Variants in PIEZO1 observed in about 807,000 individuals in gnomAD.
The protein encoded by PIEZO1 is piezo-type mechanosensitive ion channel component 1.
In PIEZO1, 296 loss-of-function variants were observed where a neutral mutation model predicts 297.2. The observed-to-expected ratio is 1.00, with a 90% CI of 0.91 to 1.10. The LOEUF is 1.10. Ranked by LOEUF, PIEZO1 falls within the 50% of genes least tolerant of loss-of-function variation. The pLI, the probability that PIEZO1 is intolerant of heterozygous loss-of-function variation, is 0.00. For synonymous variants in PIEZO1, 2,427 were observed against 1,507.5 expected, an observed-to-expected ratio of 1.61 and a Z score of -14.13; for missense variants, 5,018 against 3,455.5, an observed-to-expected ratio of 1.45 and a Z score of -11.34.
chr16:88,742,383 C>T lies in PIEZO1; in HGVS notation c.200G>A (p.Ser67Asn). Reference protein sequence around the residue: ...GRLLRALLGLSLLFLVAHLAL... With the variant: ...GRLLRALLGLNLLFLVAHLAL... The stretch of plus-strand genomic sequence containing the variant: ...GAGATGGGCCACCAGGAAGAGCAGG[C>T]TGAGGCCCAGCAATGCCCGCAGGAG... The change falls in exon 3 of 51, where the codon AGC becomes AAC. Residue 67 changes from serine to asparagine, a missense_variant. Coordinates refer to ENST00000301015, the MANE Select transcript of PIEZO1 (RefSeq NM_001142864.4). 6.5e-7 allele frequency: 1 copy of T among 1,535,450 alleles called. No homozygotes were observed. Among genetic ancestry groups the T allele is most frequent in the Middle Eastern group, 1.7e-4 (1 of 5,812 alleles).
intron 1 of PIEZO1, among the ~76,000 whole-genome samples, chr16:88,755,231 C>T (rs973213055): frequency 6.6e-6 from 1 of 152,222 alleles, no homozygotes; most frequent in African/African-American, 2.4e-5. Context: ...CCATGTGGCT[C>T]GGGCCTAGCT....
At position 88,726,961 on chromosome 16, in the gene PIEZO1, G is replaced by A; in HGVS notation, c.3456-3C>T. ...CCTTCAGCATGTCAAGGTAGGACCTGCCAGGCCGGAGCGTCAGGGCGGGCG... is the reference window on the plus strand; with the variant it reads ...CCTTCAGCATGTCAAGGTAGGACCTACCAGGCCGGAGCGTCAGGGCGGGCG... On this transcript the variant is annotated splice_polypyrimidine_tract_variant and splice_region_variant and intron_variant, in intron 24 of 50. Transcript: ENST00000301015. The A allele has an allele frequency of 6.5e-7, 1 of 1,550,336 alleles. No homozygotes were observed. Among genetic ancestry groups the A allele is most frequent in the Non-Finnish European group, 8.7e-7 (1 of 1,146,840 alleles).
chr16:88,766,023 G>C (rs1907161330), intron 1 of PIEZO1, among the ~76,000 whole-genome samples: 1 of 152,202 alleles, frequency 6.6e-6, no homozygotes, highest in Non-Finnish European at 1.5e-5. Context: ...TGCGACCAGA[G>C]ACATCACATG....
At chr16:88,765,604 G>T (rs575219150) in intron 1 of PIEZO1, among the ~76,000 whole-genome samples, 34 of 152,294 alleles carry the variant, frequency 2.2e-4, no homozygotes, top group Admixed American at 9.2e-4. Flanking sequence ...GCTGGCAAGG[G>T]GCTGGACAGC....
chr16:88,720,036 C>G (rs939439202), intron 42 of PIEZO1, 33 bp downstream of exon 42: 6 of 1,549,536 alleles, frequency 3.9e-6, no homozygotes, highest in Non-Finnish European at 3.5e-6. Context: ...TGCCCCGCCC[C>G]TGGAGACCGA....
intron 30 of PIEZO1, among the ~76,000 whole-genome samples, 160 bp from the exon 31 acceptor site, chr16:88,724,131 C>CA (rs1904307591): frequency 6.6e-6 from 1 of 152,194 alleles, no homozygotes; most frequent in South Asian, 2.1e-4. Context: ...TGGGACAAGA[C>CA]AGAGGTGGGC....
chr16:88,781,045 T>C (rs921727133), intron 1 of PIEZO1, among the ~76,000 whole-genome samples: 1 of 152,268 alleles, frequency 6.6e-6, no homozygotes, highest in African/African-American at 2.4e-5. Flanking sequence ...AGGGGATTTC[T>C]GAGGCCAGAG....
At chr16:88,749,077 A>G (rs1311188134) in intron 2 of PIEZO1, among the ~76,000 whole-genome samples, 5 of 151,810 alleles carry the variant, frequency 3.3e-5, no homozygotes, top group Non-Finnish European at 7.4e-5. Flanking sequence ...CTCTACTAAA[A>G]ATACAAAAAA....
At chr16:88,755,375 GA>G (rs1163056929) in intron 1 of PIEZO1, among the ~76,000 whole-genome samples, 2 of 152,004 alleles carry the variant, frequency 1.3e-5, no homozygotes, top group Admixed American at 1.3e-4. Context: ...TCACGTGCAG[GA>G]AAGAAAAAAA....
In PIEZO1 at chr16:88,715,808, C is replaced by G. The variant is rs532748737; in HGVS notation, c.7363G>C (p.Val2455Leu). The change falls in exon 51 of 51, where the codon GTG becomes CTG. Residue 2455 changes from valine to leucine, a missense_variant. Coordinates refer to ENST00000301015, the MANE Select transcript of PIEZO1 (RefSeq NM_001142864.4). ...VSIVLVIGKF[V>L]RGFFSEISHS... ...GAGATCTCGCTGAAGAATCCGCGCACGAACTTGCCGATGACCAGCACGATG... is the reference window on the plus strand; with the variant it reads ...GAGATCTCGCTGAAGAATCCGCGCAGGAACTTGCCGATGACCAGCACGATG... The G allele has an allele frequency of 1.9e-6, 3 of 1,550,282 alleles. No individual in the cohort carries two copies. Among genetic ancestry groups the G allele is most frequent in the Admixed American group, 2.0e-5 (1 of 51,002 alleles).
chr16:88,738,041 TGAG>T lies in PIEZO1; in HGVS notation c.910_912del (p.Leu304del), dbSNP rs753619127. On this transcript the variant is annotated inframe_deletion, in exon 8 of 51. Transcript: ENST00000301015. ...TACACAGGCCAGTCCAGGCCGGTGT[TGAG>T]GACCAGCGCGTGGGGGCTGGAGCAG... is the stretch of plus-strand genomic sequence containing the variant. 9.0e-5 allele frequency: 138 copies of T among 1,535,674 alleles called. No individual in the cohort carries two copies. The highest frequency in any genetic ancestry group is 1.6e-4 in the Admixed American group (8 of 50,982).
rs1325947507 is a variant in PIEZO1 at position 88,722,225 on chromosome 16, G to A, written c.4948C>T (p.Leu1650=). 1.0e-5 allele frequency: 16 copies of A among 1,546,478 alleles called. No individual in the cohort carries two copies. The highest frequency in any genetic ancestry group is 1.2e-5 in the Non-Finnish European group (14 of 1,146,730). ...TGCGCGTCCCGCCCCCACCTGTCCA[G>A]GAGCAGCTCGCTGGCCGTCCGCATC... ...GLMRTASELL[L]DRRLRIPELE... Residue 1650 remains leucine (L), a synonymous_variant, in exon 36 of 51, where the codon CTG becomes TTG. Transcript: ENST00000301015.
intron 1 of PIEZO1, among the ~76,000 whole-genome samples, chr16:88,755,300 CG>C: frequency 6.6e-6 from 1 of 152,150 alleles, no homozygotes; most frequent in East Asian, 1.9e-4. Flanking sequence ...CCCCGGGTCT[CG>C]GAATGCCTCC....
At position 88,722,837 on chromosome 16, in the gene PIEZO1, C is replaced by G. The variant is rs764248209; in HGVS notation, c.4668G>C (p.Gln1556His). ...ERYLLTQELLQGGEVHRGVLD... is the reference protein window; with the variant it reads ...ERYLLTQELLHGGEVHRGVLD... ...GAGCGTGGTGCACGGGCAGGCTCACCTGCAGGAGCTCCTGTGTGAGGAGGT... is the reference window on the plus strand; with the variant it reads ...GAGCGTGGTGCACGGGCAGGCTCACGTGCAGGAGCTCCTGTGTGAGGAGGT... Residue 1556 changes from glutamine to histidine, a missense_variant and splice_region_variant, in exon 34 of 51, where the codon CAG becomes CAC. Gln to His is a conservative substitution (Grantham distance 24). Transcript: ENST00000301015. The G allele has an allele frequency of 6.5e-7, 1 of 1,545,230 alleles. No individual in the cohort carries two copies. Among genetic ancestry groups the G allele is most frequent in the Non-Finnish European group, 8.7e-7 (1 of 1,146,528 alleles).
intron 10 of PIEZO1, chr16:88,737,037 G>C: frequency 3.1e-6 from 1 of 323,502 alleles, no homozygotes; most frequent in Non-Finnish European, 5.7e-6. Flanking sequence ...CCCCACCCCA[G>C]GGCCGTGGCT....
At position 88,748,988 on chromosome 16, in the gene PIEZO1, A is replaced by G. The variant is rs187741376; in HGVS notation, c.160+396T>C. 4.2e-3 allele frequency among the ~76,000 whole-genome samples: 624 copies of G among 147,164 alleles called. 6 individuals carry two copies. The highest frequency in any genetic ancestry group is 0.015 in the African/African-American group (600 of 39,986). On this transcript the variant is annotated intron_variant, in intron 2 of 50. Transcript: ENST00000301015. ...CGCGGTGGCTCACGTCTGTAATCCC[A>G]GCACTTTGGGAGGCCGAGGCGGGCG...
chr16:88,734,788 C>CTGTA lies in PIEZO1; in HGVS notation c.1855_1858dup (p.Ser620IlefsTer158), dbSNP rs1567672852. 4 of 1,550,214 alleles carry CTGTA rather than the reference C, an allele frequency of 2.6e-6. No individual in the cohort carries two copies. Among genetic ancestry groups the CTGTA allele is most frequent in the Non-Finnish European group, 3.5e-6 (4 of 1,146,944 alleles). On this transcript the variant is annotated frameshift_variant, in exon 15 of 51. Transcript: ENST00000301015. LOFTEE classifies it high-confidence loss of function. Reference sequence around the variant, plus strand: ...GGCCTTGAGCAGCTTCCGCCACAGGCTGTAGTAGACCTGCCGGGTGAGGTG... The same window carrying CTGTA: ...GGCCTTGAGCAGCTTCCGCCACAGGCTGTATGTAGTAGACCTGCCGGGTGAGGTG...
At chr16:88,719,374 C>G (rs1342777059) in intron 44 of PIEZO1, 200 bp downstream of exon 44, 4 of 589,802 alleles carry the variant, frequency 6.8e-6, no homozygotes, top group East Asian at 2.8e-5. Flanking sequence ...CTGCCCACTT[C>G]TGCGCCCAGC....
chr16:88,725,168 A>C, intron 29 of PIEZO1, 88 bp from the exon 30 acceptor site: 1 of 919,906 alleles, frequency 1.1e-6, no homozygotes, highest in East Asian at 2.9e-5. Context: ...GAGACAGGAT[A>C]GGTGGAGACA....
Sources: gnomAD v4.1 joint callset for allele counts (sites outside exome capture counted in the v4.1 genomes callset) on GRCh38, gnomAD v4.1.1 for gene constraint, MANE v1.5 for transcripts, NCBI Gene and HGNC (gene_info 2026-07-23, HGNC 2026-07-21) for gene names.